Variants in GNAS observed in about 807,000 individuals in gnomAD.
The protein encoded by GNAS is protein ALEX.
GNAS carries 8 observed loss-of-function variants against 54.5 expected under a neutral mutation model. The observed-to-expected ratio is 0.15, with a 90% CI of 0.09 to 0.26. The LOEUF is 0.26. GNAS is among the 10% of genes least tolerant of loss of function. The probability of loss-of-function intolerance (pLI) is 1.00; values close to 1 mark genes in which losing one functional copy is unlikely to be tolerated. For synonymous variants in GNAS, 204 were observed against 191.4 expected, an observed-to-expected ratio of 1.07 and a Z score of -0.54; for missense variants, 170 against 529.8, an observed-to-expected ratio of 0.32 and a Z score of 6.67.
intron 1 of GNAS, among the ~76,000 whole-genome samples, chr20:58,868,297 G>A (rs1386170629): frequency 6.6e-6 from 1 of 152,148 alleles, no homozygotes; most frequent in Non-Finnish European, 1.5e-5. Context: ...GGGATTACAG[G>A]CGTGAGCCAC....
At chr20:58,854,858 C>T (rs1015746912) in intron 1 of GNAS, 1 of 1,597,084 alleles carries the variant, frequency 6.3e-7, no homozygotes, top group South Asian at 1.1e-5. Context: ...TCAGACCCCC[C>T]AGCCCCGAGA....
chr20:58,840,188 G>A, upstream of GNAS: 1 of 1,611,242 alleles, frequency 6.2e-7, no homozygotes, highest in Non-Finnish European at 8.5e-7. The surrounding 1 kb of genome is among the most constrained non-coding windows in gnomAD (Gnocchi z 6.0). Context: ...AGGCCGCCGG[G>A]CAGCCACCGC....
At chr20:58,849,125 G>C (rs185441377) in intron 1 of GNAS, among the ~76,000 whole-genome samples, 1 of 152,246 alleles carries the variant, frequency 6.6e-6, no homozygotes, top group Admixed American at 6.5e-5. Context: ...ATTTTTGGTT[G>C]TTAAAACTAA....
At chr20:58,867,639 A>G (rs12479894) in intron 1 of GNAS, 5,513 of 152,288 alleles carry the variant, frequency 0.036, 140 homozygotes, top group African/African-American at 0.064. Flanking sequence ...TTGGTTGATT[A>G]TAGAACTTTA....
rs2146208110 is a variant in GNAS at position 58,905,375 on chromosome 20, A to T, written c.433-8A>T. The T allele has an allele frequency of 6.6e-7, 1 of 1,521,990 alleles. No homozygotes were observed. The highest frequency in any genetic ancestry group is 9.1e-7 in the Non-Finnish European group (1 of 1,096,010). 94.3% of individuals were successfully genotyped at this position (1,521,990 alleles called of 1,614,324 possible). ...CCTTTCTCTAAACTTTCTTGTGTTCACTTTCAGGAATTCTATGAGCATGCC... is the reference window on the plus strand; with the variant it reads ...CCTTTCTCTAAACTTTCTTGTGTTCTCTTTCAGGAATTCTATGAGCATGCC... On this transcript the variant is annotated splice_region_variant and splice_polypyrimidine_tract_variant and intron_variant, in intron 5 of 12. Coordinates refer to ENST00000371085, the MANE Select transcript of GNAS (RefSeq NM_000516.7).
intron 3 of GNAS, chr20:58,900,448 T>C: frequency 5.1e-6 from 1 of 195,300 alleles, no homozygotes; most frequent in Non-Finnish European, 1.1e-5. Flanking sequence ...CTTCCTTCCT[T>C]TGTCTGTCTT....
chr20:58,896,804 C>T (rs1459220088), intron 2 of GNAS, among the ~76,000 whole-genome samples: 1 of 152,056 alleles, frequency 6.6e-6, no homozygotes, highest in East Asian at 1.9e-4. Flanking sequence ...GAAAATTTAA[C>T]CTTGAGTTGC....
chr20:58,863,197 CAA>C lies in GNAS; in HGVS notation c.43+22312_43+22313del, dbSNP rs2086870972. ...AATCAGTGGAGCGCTTTTCTACATG[CAA>C]CAACTGGGAGCTATGCTATGGGAAG... On this transcript the variant is annotated intron_variant, in intron 1 of 12. Coordinates refer to the GNAS transcript ENST00000306090. This position sits in a 1 kb window ranked among gnomAD's most constrained non-coding sequence, Gnocchi z 4.1. Among the ~76,000 whole-genome samples, 3 of 152,142 alleles carry C rather than the reference CAA, an allele frequency of 2.0e-5. No homozygotes were observed. Among genetic ancestry groups the C allele is most frequent in the Admixed American group, 1.3e-4 (2 of 15,272 alleles).
upstream of GNAS, chr20:58,889,424 CG>C (rs898829357): frequency 1.0e-6 from 1 of 966,118 alleles, no homozygotes; most frequent in Non-Finnish European, 1.2e-6. Flanking sequence ...CCGCCGGGTC[CG>C]GGACAAGGCA....
At chr20:58,877,977 G>A (rs2087940360) in intron 1 of GNAS, among the ~76,000 whole-genome samples, 1 of 152,232 alleles carries the variant, frequency 6.6e-6, no homozygotes, top group South Asian at 2.1e-4. Context: ...AGTCCTTAGA[G>A]ATGAAGGGAG....
upstream of GNAS, among the ~76,000 whole-genome samples, chr20:58,888,121 C>G (rs147946479): frequency 6.5e-3 from 992 of 152,254 alleles, 10 homozygotes; most frequent in African/African-American, 0.023. Flanking sequence ...TCTCCTTCTC[C>G]ATCAAACATC....
intron 1 of GNAS, chr20:58,854,861 C>A: frequency 6.3e-7 from 1 of 1,596,790 alleles, no homozygotes. Flanking sequence ...GACCCCCCAG[C>A]CCCGAGATCC....
At chr20:58,858,405 C>G (rs2086608181) in intron 1 of GNAS, among the ~76,000 whole-genome samples, 1 of 152,066 alleles carries the variant, frequency 6.6e-6, no homozygotes, top group African/African-American at 2.4e-5. Flanking sequence ...AGATAGAAAT[C>G]AGTAATATGA....
intron 1 of GNAS, chr20:58,854,940 C>A: frequency 6.2e-7 from 1 of 1,604,624 alleles, no homozygotes; most frequent in Non-Finnish European, 8.5e-7. Context: ...CGAGAGCAGC[C>A]GCGGCCGCCG....
At chr20:58,908,093 G>C (rs969893041) in intron 6 of GNAS, among the ~76,000 whole-genome samples, 4 of 152,162 alleles carry the variant, frequency 2.6e-5, no homozygotes, top group Non-Finnish European at 5.9e-5. Context: ...GACTAACTCT[G>C]AACTAGTAAA....
intron 2 of GNAS, among the ~76,000 whole-genome samples, chr20:58,896,882 C>CA (rs1284082205): frequency 6.6e-6 from 1 of 151,908 alleles, no homozygotes; most frequent in Non-Finnish European, 1.5e-5. Flanking sequence ...AACCACCCCC[C>CA]AAAAAAACAA....
intron 1 of GNAS, among the ~76,000 whole-genome samples, chr20:58,864,928 G>GACAC (rs144642876): frequency 0.092 from 12,720 of 138,804 alleles, 560 homozygotes; most frequent in South Asian, 0.14. Flanking sequence ...CTACCTACCA[G>GACAC]ACACACACAC....
rs2087005600 is a variant in GNAS at position 58,865,471 on chromosome 20, T to C, written c.43+24585T>C. Among the ~76,000 whole-genome samples the C allele has an allele frequency of 2.7e-5, 4 of 147,566 alleles. No individual in the cohort carries two copies. The South Asian group carries it at 8.4e-4, about 31-fold the overall frequency. On this transcript the variant is annotated intron_variant, in intron 1 of 12. Transcript: ENST00000306090. ...TATATTATATATATATCATATATAA[T>C]ACAAAATATATATAATATGATATAT...
chr20:58,887,687 C>G (rs999899507), upstream of GNAS, among the ~76,000 whole-genome samples: 10 of 152,142 alleles, frequency 6.6e-5, no homozygotes, highest in Non-Finnish European at 1.2e-4. Context: ...AAACCTGGCC[C>G]CAACTTTTCA....
Sources: allele counts gnomAD v4.1 joint callset (sites outside exome capture counted in the v4.1 genomes callset), GRCh38; gene constraint gnomAD v4.1.1; non-coding constraint Gnocchi (gnomAD v3.1); transcripts MANE v1.5; gene names NCBI Gene and HGNC (gene_info 2026-07-23, HGNC 2026-07-21).